GSE1: variants seen among roughly 807,000 people sequenced by gnomAD.
GSE1 encodes the protein Gse1 coiled-coil protein, also known as genetic suppressor element 1.
GSE1 carries 32 observed loss-of-function variants against 112.6 expected under a neutral mutation model. The observed-to-expected ratio is 0.28, with a 90% CI of 0.21 to 0.38. The LOEUF is 0.38. GSE1 is among the 10% of genes least tolerant of loss of function. GSE1 has a pLI of 1.00. For synonymous variants in GSE1, 1,115 were observed against 735.6 expected (o/e 1.52, Z -8.35); for missense variants, 2,348 against 1,699.2 (o/e 1.38, Z -6.71).
chr16:85,591,771 C>T (rs1049819018), intron 1 of GSE1, among the ~76,000 whole-genome samples: 4 of 152,254 alleles, frequency 2.6e-5, no homozygotes, highest in Non-Finnish European at 5.9e-5. Flanking sequence ...CATAAATGGA[C>T]AGCCAGGGAC....
In GSE1 at chr16:85,655,937, A is replaced by G; in HGVS notation, c.989+20A>G. On this transcript the variant is annotated intron_variant, in intron 6 of 15. Transcript: ENST00000253458. ...GGAGAGGTAAGTGCGTCTCGAGCCG[A>G]GGAGCCCCTCTGCCCTCCCTGTCCC... The G allele has an allele frequency of 6.3e-7, 1 of 1,585,312 alleles. No homozygotes were observed. Among genetic ancestry groups the G allele is most frequent in the South Asian group, 1.1e-5 (1 of 89,398 alleles).
intron 1 of GSE1, among the ~76,000 whole-genome samples, chr16:85,333,278 C>T (rs950707864): frequency 3.9e-5 from 6 of 152,102 alleles, no homozygotes; most frequent in African/African-American, 7.2e-5. Flanking sequence ...AGCTGATCCA[C>T]GCGGGCCCAC....
intron 1 of GSE1, among the ~76,000 whole-genome samples, chr16:85,568,305 C>T (rs990676537): frequency 6.6e-6 from 1 of 152,214 alleles, no homozygotes; most frequent in Non-Finnish European, 1.5e-5. Context: ...GGCTGGTAGG[C>T]CTCCGGGGTG....
chr16:85,443,629 G>A (rs376067695), intron 2 of GSE1, among the ~76,000 whole-genome samples: 25 of 152,370 alleles, frequency 1.6e-4, no homozygotes, highest in African/African-American at 5.1e-4. Flanking sequence ...TTCCCGTGGC[G>A]TGTGCCGAGT....
At chr16:85,338,009 C>G (rs2046542448) in intron 1 of GSE1, among the ~76,000 whole-genome samples, 1 of 152,234 alleles carries the variant, frequency 6.6e-6, no homozygotes, top group Admixed American at 6.5e-5. Context: ...CCCCTGGGCT[C>G]TCCCTCACCT....
upstream of GSE1, among the ~76,000 whole-genome samples, chr16:85,554,335 C>T (rs1393916510): frequency 6.6e-6 from 1 of 152,134 alleles, no homozygotes; most frequent in East Asian, 1.9e-4. Flanking sequence ...AGGAGAGATA[C>T]AGGCTCCACA....
chr16:85,350,541 A>G (rs772114305), intron 1 of GSE1, among the ~76,000 whole-genome samples: 8 of 152,126 alleles, frequency 5.3e-5, no homozygotes, highest in South Asian at 2.1e-4. Flanking sequence ...GACACTGGAC[A>G]GGCCCCGCCC....
At chr16:85,601,524 G>C (rs76113812) in intron 1 of GSE1, among the ~76,000 whole-genome samples, 5 of 152,124 alleles carry the variant, frequency 3.3e-5, no homozygotes, top group East Asian at 3.9e-4. Flanking sequence ...AAATCAAGGT[G>C]GGGGGGTGAC....
chr16:85,207,198 C>A (rs185058098), intron 1 of GSE1, among the ~76,000 whole-genome samples: 1 of 152,206 alleles, frequency 6.6e-6, no homozygotes, highest in Non-Finnish European at 1.5e-5. Context: ...CCCCCCCGTC[C>A]TCCCAAGGGC....
At chr16:85,304,096 C>G (rs952028743) in intron 1 of GSE1, among the ~76,000 whole-genome samples, 5 of 152,246 alleles carry the variant, frequency 3.3e-5, no homozygotes, top group Admixed American at 3.3e-4. Context: ...CCTGGTGTGT[C>G]TCTCCATGGT....
intron 2 of GSE1, among the ~76,000 whole-genome samples, chr16:85,541,066 C>T (rs1380360171): frequency 2.0e-5 from 3 of 151,922 alleles, no homozygotes; most frequent in East Asian, 1.9e-4. Context: ...GGGCTGTGCT[C>T]GACAGGGAGA....
At chr16:85,336,068 G>A (rs1452733076) in intron 1 of GSE1, among the ~76,000 whole-genome samples, 2 of 152,268 alleles carry the variant, frequency 1.3e-5, no homozygotes, top group South Asian at 2.1e-4. Flanking sequence ...GGAACAGGGC[G>A]TGGAGGCTGC....
At chr16:85,246,833 G>A (rs1473319124) in intron 1 of GSE1, among the ~76,000 whole-genome samples, 1 of 152,114 alleles carries the variant, frequency 6.6e-6, no homozygotes, top group African/African-American at 2.4e-5. Context: ...GGAAGGGGGT[G>A]CTCAGGAAAT....
At chr16:85,306,524 A>G (rs922245274) in intron 1 of GSE1, among the ~76,000 whole-genome samples, 1 of 152,256 alleles carries the variant, frequency 6.6e-6, no homozygotes, top group Non-Finnish European at 1.5e-5. Context: ...GCTTTGAGTC[A>G]GTAGGGGAAA....
chr16:85,214,975 G>A (rs1428429201), intron 1 of GSE1, among the ~76,000 whole-genome samples: 2 of 152,198 alleles, frequency 1.3e-5, no homozygotes, highest in Admixed American at 6.5e-5. Flanking sequence ...TGCGGGTGGC[G>A]GGTGGGTGGA....
chr16:85,476,862 C>G (rs1232147411), intron 2 of GSE1, among the ~76,000 whole-genome samples: 1 of 151,014 alleles, frequency 6.6e-6, no homozygotes, highest in East Asian at 1.9e-4. Flanking sequence ...ATCCTCTCAC[C>G]TTGGCCTTCC....
intron 2 of GSE1, among the ~76,000 whole-genome samples, chr16:85,495,427 C>T (rs1013122458): frequency 1.5e-5 from 2 of 132,526 alleles, no homozygotes; most frequent in Non-Finnish European, 3.2e-5. Context: ...ATGCTGGGAA[C>T]ATTTTATTTA....
chr16:85,214,251 A>T lies in GSE1; in HGVS notation c.2283+42444A>T, dbSNP rs4302023. 9.3e-3 allele frequency among the ~76,000 whole-genome samples: 1,403 copies of T among 151,386 alleles called. 13 individuals are homozygous for T. Among genetic ancestry groups the T allele is most frequent in the Non-Finnish European group, 0.016 (1,077 of 67,908 alleles). On this transcript the variant is annotated intron_variant, in intron 1 of 2. Transcript: ENST00000637419. ...ACTATGCTGGGGTGAGGGCCCCCCC[A>T]CCCAGATTCTTGTCACCCAGAACCT...
rs376497024 is a variant in GSE1, at chr16:85,564,670, C to T, written c.37+8307C>T. The stretch of plus-strand genomic sequence containing the variant: ...TAGGGGTGGGGCTCTGAAGCCTGTG[C>T]GTCCTTCAGAGGCACCATGGGGACC... On this transcript the variant is annotated intron_variant, in intron 1 of 2. Coordinates refer to the GSE1 transcript ENST00000635906. Among the ~76,000 whole-genome samples the T allele has an allele frequency of 8.5e-5, 13 of 152,254 alleles. No individual in the cohort carries two copies. The East Asian group carries it at 1.4e-3, about 16-fold the overall frequency.
Sources: allele counts gnomAD v4.1 joint callset (sites outside exome capture counted in the v4.1 genomes callset), GRCh38; gene constraint gnomAD v4.1.1; transcripts MANE v1.5; gene names NCBI Gene and HGNC (gene_info 2026-07-23, HGNC 2026-07-21).